The following KCNV2 variants were observed in gnomAD, a reference collection of about 807,000 sequenced individuals.
The protein encoded by KCNV2 is potassium voltage-gated channel subfamily V member 2.
KCNV2 carries 65 observed loss-of-function variants against 37.0 expected under a neutral mutation model. The ratio of observed to expected loss-of-function variants is 1.76; its 90% CI spans 1.44 to 2.16. The LOEUF (loss-of-function observed/expected upper bound fraction) is 2.16, where lower values mean the gene tolerates loss of function less well. Ranked by LOEUF, KCNV2 falls within the 30% of genes most tolerant of loss-of-function variation. The pLI, the probability that KCNV2 is intolerant of heterozygous loss-of-function variation, is 0.00. For synonymous variants in KCNV2, 518 were observed against 328.6 expected (o/e 1.58, Z -6.23); for missense variants, 1,232 against 766.7 (o/e 1.61, Z -7.17).
At chr9:2,727,611 C>A (rs545059383) in intron 1 of KCNV2, among the ~76,000 whole-genome samples, 5 of 152,100 alleles carry the variant, frequency 3.3e-5, no homozygotes, top group Non-Finnish European at 5.9e-5. Flanking sequence ...ATAAGCATAA[C>A]GTATATAGAG....
intron 1 of KCNV2, among the ~76,000 whole-genome samples, chr9:2,727,239 A>C (rs942254761): frequency 2.1e-5 from 3 of 143,788 alleles, no homozygotes; most frequent in African/African-American, 7.6e-5. Flanking sequence ...CAAGAAACAC[A>C]CACCCGGACA....
Position 2,717,727 on chromosome 9 carries a change from A to G in KCNV2, c.-13A>G, listed in dbSNP as rs1464519800. On this transcript the variant is annotated 5_prime_UTR_variant, in exon 1 of 2. Transcript: ENST00000382082. ...GCCAGGAGGAAAAAGCTAGGCGTCCACTTTCCGCAGCCATGCTCAAACAGA... is the reference window on the plus strand; with the variant it reads ...GCCAGGAGGAAAAAGCTAGGCGTCCGCTTTCCGCAGCCATGCTCAAACAGA... 2.5e-6 allele frequency: 4 copies of G among 1,614,084 alleles called. No individual in the cohort carries two copies. In the African/African-American group the frequency reaches 5.3e-5, roughly 22 times the overall value.
At position 2,717,908 on chromosome 9, in the gene KCNV2, G is replaced by A. The variant is rs1352767033; in HGVS notation, c.169G>A (p.Glu57Lys). Reference protein sequence around the residue: ...TEGNYNYYIEEDEDGEEEDQW... With the variant: ...TEGNYNYYIEKDEDGEEEDQW... ...GGGCAACTATAACTACTACATCGAG[G>A]AAGACGAAGACGGCGAGGAGGAGGA... is the stretch of plus-strand genomic sequence containing the variant. The change falls in exon 1 of 2, where the codon GAA becomes AAA. Residue 57 changes from glutamate (E) to lysine (K), a missense_variant. By Grantham distance (56) the Glu-to-Lys change is moderately conservative. Coordinates refer to ENST00000382082, the MANE Select transcript of KCNV2 (RefSeq NM_133497.4). The A allele has an allele frequency of 3.7e-6, 6 of 1,614,090 alleles. No individual in the cohort carries two copies. In the South Asian group the frequency reaches 6.6e-5, roughly 18 times the overall value.
chr9:2,718,450 C>T lies in KCNV2; in HGVS notation c.711C>T (p.Arg237=). 1.2e-6 allele frequency: 2 copies of T among 1,607,816 alleles called. No homozygotes were observed. Among genetic ancestry groups the T allele is most frequent in the Non-Finnish European group, 8.5e-7 (1 of 1,177,828 alleles). ...CGGAGGAACTCTTCCGCGACATGCGCTTCTACGGCCCGCAGCGGCGCCGCC... is the reference window on the plus strand; with the variant it reads ...CGGAGGAACTCTTCCGCGACATGCGTTTCTACGGCCCGCAGCGGCGCCGCC... ...EEAEELFRDM[R]FYGPQRRRLW... The change falls in exon 1 of 2, where the codon CGC becomes CGT. Residue 237 remains arginine (R), a synonymous_variant. Transcript: ENST00000382082.
At chr9:2,725,269 T>C (rs1819949776) in intron 1 of KCNV2, among the ~76,000 whole-genome samples, 1 of 152,232 alleles carries the variant, frequency 6.6e-6, no homozygotes, top group African/African-American at 2.4e-5. Flanking sequence ...AATATACAGA[T>C]GAGGGTTGTT....
chr9:2,718,318 G>T lies in KCNV2; in HGVS notation c.579G>T (p.Lys193Asn). 6.2e-7 allele frequency: 1 copy of T among 1,606,628 alleles called. No homozygotes were observed. Among genetic ancestry groups the T allele is most frequent in the Non-Finnish European group, 8.5e-7 (1 of 1,178,354 alleles). The change falls in exon 1 of 2, where the codon AAG becomes AAT. Residue 193 changes from lysine to asparagine, a missense_variant. Lys to Asn is a moderately conservative substitution (Grantham distance 94). Transcript: ENST00000382082. The part of the protein sequence containing the change: ...EELGYWGVRL[K>N]YTPRCCRICF... Reference sequence around the variant, plus strand: ...TGGGCTACTGGGGCGTGCGGCTCAAGTACACGCCACGCTGCTGCCGCATCT... The same window carrying T: ...TGGGCTACTGGGGCGTGCGGCTCAATTACACGCCACGCTGCTGCCGCATCT...
At chr9:2,728,939 C>G (rs924814330) in intron 1 of KCNV2, among the ~76,000 whole-genome samples, 2 of 151,430 alleles carry the variant, frequency 1.3e-5, no homozygotes, top group African/African-American at 4.9e-5. Context: ...AGGTTTTGCC[C>G]CAGGTCACTC....
rs1390974968 is a variant in KCNV2 at position 2,718,892 on chromosome 9, T to A, written c.1153T>A (p.Phe385Ile). 6.2e-7 allele frequency: 1 copy of A among 1,608,372 alleles called. No individual in the cohort carries two copies. Among genetic ancestry groups the A allele is most frequent in the African/African-American group, 1.3e-5 (1 of 74,938 alleles). Residue 385 changes from phenylalanine to isoleucine, a missense_variant, in exon 1 of 2, where the codon TTC becomes ATC. Transcript: ENST00000382082. ...VLRVMRLMRI[F>I]RILKLARHST... is the part of the protein sequence containing the mutation. ...GCGCGTCATGCGCCTCATGCGCATC[T>A]TCCGCATCCTCAAGCTGGCGCGCCA...
At chr9:2,719,251 G>C (rs1819816573) in intron 1 of KCNV2, among the ~76,000 whole-genome samples, 156 bp downstream of exon 1, 1 of 152,164 alleles carries the variant, frequency 6.6e-6, no homozygotes, top group South Asian at 2.1e-4. Flanking sequence ...GGCGATGGAT[G>C]TCAAAAGTGG....
rs773605970 is a variant in KCNV2 at position 2,718,660 on chromosome 9, G to A, written c.921G>A (p.Met307Ile). 1.2e-5 allele frequency: 19 copies of A among 1,613,262 alleles called. No homozygotes were observed. Among genetic ancestry groups the A allele is most frequent in the Admixed American group, 1.7e-5 (1 of 60,006 alleles). The change falls in exon 1 of 2, where the codon ATG becomes ATA. Residue 307 changes from methionine to isoleucine, a missense_variant. Coordinates refer to ENST00000382082, the MANE Select transcript of KCNV2 (RefSeq NM_133497.4). ...GGCCCATCCTGGAGCACGTGGAGAT[G>A]CTGTGCATGGGCTTCTTCACGCTCG... The part of the protein sequence containing the change: ...DLRPILEHVE[M>I]LCMGFFTLEY...
In KCNV2 at chr9:2,717,834, C is replaced by T. The variant is rs943990673; in HGVS notation, c.95C>T (p.Ser32Phe). 1.2e-6 allele frequency: 2 copies of T among 1,614,216 alleles called. No individual in the cohort carries two copies. Among genetic ancestry groups the T allele is most frequent in the South Asian group, 1.1e-5 (1 of 91,084 alleles). Residue 32 changes from serine (S) to phenylalanine (F), a missense_variant, in exon 1 of 2, where the codon TCC (serine) becomes TTC (phenylalanine). Coordinates refer to ENST00000382082, the MANE Select transcript of KCNV2 (RefSeq NM_133497.4). ...EGSQHRRSIC[S>F]LGARSGSQAS... ...AGCCAACACCGCAGGAGCATTTGCTCCCTGGGTGCCCGTTCCGGCTCCCAG... is the reference window on the plus strand; with the variant it reads ...AGCCAACACCGCAGGAGCATTTGCTTCCTGGGTGCCCGTTCCGGCTCCCAG...
chr9:2,718,159 CGACTACGAG>C lies in KCNV2; in HGVS notation c.423_431del (p.Asp141_Glu143del), dbSNP rs1489354543. 1.2e-6 allele frequency: 2 copies of C among 1,612,216 alleles called. No homozygotes were observed. The highest frequency in any genetic ancestry group is 2.7e-5 in the African/African-American group (2 of 74,926). On this transcript the variant is annotated inframe_deletion, in exon 1 of 2. Coordinates refer to ENST00000382082, the MANE Select transcript of KCNV2 (RefSeq NM_133497.4). ...GCAGCCGCCAGCTAAGCCTGTGCGA[CGACTACGAG>C]GAGCAGACAGACGAATACTTCTTCG...
intron 1 of KCNV2, among the ~76,000 whole-genome samples, chr9:2,722,833 G>C (rs1405666375): frequency 2.0e-5 from 3 of 152,184 alleles, no homozygotes; most frequent in East Asian, 1.9e-4. Context: ...TGAAGGGAGA[G>C]ACTAGGCCAC....
chr9:2,722,402 TATAA>T (rs1185803370), intron 1 of KCNV2, among the ~76,000 whole-genome samples: 1 of 140,146 alleles, frequency 7.1e-6, no homozygotes. Context: ...AGAAGTTATT[TATAA>T]ATAAGTTATT....
At position 2,717,622 on chromosome 9, in the gene KCNV2, G is replaced by T. The variant is rs758982535; in HGVS notation, c.-118G>T. 4.8e-5 allele frequency: 64 copies of T among 1,325,200 alleles called. No homozygotes were observed. The highest frequency in any genetic ancestry group is 5.8e-5 in the Non-Finnish European group (54 of 931,554). 82.1% of individuals were successfully genotyped at this position (1,325,200 alleles called of 1,614,324 possible). On this transcript the variant is annotated 5_prime_UTR_variant, in exon 1 of 2. Transcript: ENST00000382082. ...TCTGAGCCCCTAGCTGTGCTGGTCC[G>T]GGCTGGCCTCTCTAAGACAGTGCAG...
At chr9:2,722,285 TA>T (rs1819888464) in intron 1 of KCNV2, among the ~76,000 whole-genome samples, 1 of 131,136 alleles carries the variant, frequency 7.6e-6, no homozygotes, top group Non-Finnish European at 1.6e-5. Context: ...ATTTACAAAT[TA>T]GAAGTTATTT....
At chr9:2,724,241 C>CA (rs1212295556) in intron 1 of KCNV2, among the ~76,000 whole-genome samples, 4 of 152,084 alleles carry the variant, frequency 2.6e-5, no homozygotes, top group Non-Finnish European at 5.9e-5. Context: ...ACCTTGCTCC[C>CA]ATCTTTCTTT....
rs1563797840 is a variant in KCNV2 at position 2,722,280 on chromosome 9, C to CAAATTAGAAGTTATTTAT, written c.1356+3208_1356+3225dup. On this transcript the variant is annotated intron_variant, in intron 1 of 1. Coordinates refer to ENST00000382082, the MANE Select transcript of KCNV2 (RefSeq NM_133497.4). ...TTACAAATTAGAAGTTATTTATTTA[C>CAAATTAGAAGTTATTTAT]AAATTAGAAGTTATTTATAAATTAG... 2.7e-4 allele frequency among the ~76,000 whole-genome samples: 32 copies of CAAATTAGAAGTTATTTAT among 117,268 alleles called. 2 individuals are homozygous for CAAATTAGAAGTTATTTAT. Among genetic ancestry groups the CAAATTAGAAGTTATTTAT allele is most frequent in the African/African-American group, 9.7e-4 (23 of 23,600 alleles). 76.9% of individuals were successfully genotyped at this position (117,268 alleles called of 152,430 possible). A position where few individuals can be genotyped will look rare whatever the true frequency, so the allele number is the denominator to read the frequency against.
chr9:2,723,963 C>CT (rs35077369), intron 1 of KCNV2, among the ~76,000 whole-genome samples: 105 of 116,500 alleles, frequency 9.0e-4, no homozygotes, highest in South Asian at 7.6e-3. Flanking sequence ...TTTTCTTTTA[C>CT]TTTTTTTTTT....
Sources: allele counts gnomAD v4.1 joint callset (sites outside exome capture counted in the v4.1 genomes callset), GRCh38; gene constraint gnomAD v4.1.1; transcripts MANE v1.5; gene names NCBI Gene and HGNC (gene_info 2026-07-23, HGNC 2026-07-21).